Variants in GLB1 observed in about 807,000 individuals in gnomAD.
The protein encoded by GLB1 is beta-galactosidase.
GLB1 carries 56 observed loss-of-function variants against 74.0 expected under a neutral mutation model. The observed-to-expected ratio is 0.76, with a 90% CI of 0.61 to 0.94. GLB1 has a LOEUF of 0.94. Among genes scored for constraint, GLB1 ranks in the 40% least tolerant of loss-of-function variants. The pLI is 0.00. For synonymous variants in GLB1, 323 were observed against 323.6 expected (o/e 1.00, Z 0.02); for missense variants, 787 against 845.5 (o/e 0.93, Z 0.86).
chr3:32,963,584 ATTCTTGGTACTT>A, the GLB1 span, among the ~76,000 whole-genome samples: 1 of 152,236 alleles, frequency 6.6e-6, no homozygotes, highest in African/African-American at 2.4e-5. Flanking sequence ...TTGTTACATT[ATTCTTGGTACTT>A]TTCTATATGG....
intron 10 of GLB1, among the ~76,000 whole-genome samples, chr3:33,031,641 ATATATATATATATATATAT>A (rs1409399492): frequency 5.3e-5 from 1 of 18,948 alleles, no homozygotes; most frequent in African/African-American, 1.8e-4. Context: ...AAAAAAAAAA[ATATATATATATATATATAT>A]ATATATATAT....
At chr3:33,014,415 A>T (rs1697159100) in intron 14 of GLB1, 105 bp from the exon 15 acceptor site, 1 of 1,524,256 alleles carries the variant, frequency 6.6e-7, no homozygotes. Flanking sequence ...GATACAAAAC[A>T]CCAACAGGAA....
At position 33,016,750 on chromosome 3, in the gene GLB1, T is replaced by C. The variant is rs1280400930; in HGVS notation, c.1438A>G (p.Met480Val). ...GATLDLLVEN[M>V]GRVNYGAYIN... ...TATGCACCATAGTTCACACGTCCCA[T>C]GTTCTCTACCAGAAGGTCCAGAGTG... is the stretch of plus-strand genomic sequence containing the variant. Residue 480 changes from methionine to valine, a missense_variant, in exon 14 of 16, where the codon ATG becomes GTG. Transcript: ENST00000307363. 8 of 1,614,046 alleles carry C rather than the reference T, an allele frequency of 5.0e-6. No individual in the cohort carries two copies. Among genetic ancestry groups the C allele is most frequent in the South Asian group, 1.1e-5 (1 of 91,088 alleles).
chr3:32,987,973 T>G, the GLB1 span, among the ~76,000 whole-genome samples: 1 of 151,340 alleles, frequency 6.6e-6, no homozygotes, highest in African/African-American at 2.4e-5. Flanking sequence ...TCATTTGAGG[T>G]CAGGAGTTTG....
the GLB1 span, among the ~76,000 whole-genome samples, chr3:32,976,699 G>T: frequency 6.6e-6 from 1 of 152,128 alleles, no homozygotes; most frequent in Non-Finnish European, 1.5e-5. Flanking sequence ...GCTTCTTAGG[G>T]CCCCTTCCTC....
At chr3:33,075,715 G>C (rs568899635) in intron 1 of GLB1, among the ~76,000 whole-genome samples, 1 of 152,252 alleles carries the variant, frequency 6.6e-6, no homozygotes, top group African/African-American at 2.4e-5. Context: ...TTTCTCAAAG[G>C]AAGAAACACC....
chr3:33,047,255 CT>C (rs1698776498), intron 9 of GLB1, among the ~76,000 whole-genome samples: 1 of 152,220 alleles, frequency 6.6e-6, no homozygotes, highest in Non-Finnish European at 1.5e-5. Context: ...CCTGCAGTCA[CT>C]GTGCAAGGGG....
chr3:33,079,397 T>C (rs775867640), intron 1 of GLB1, among the ~76,000 whole-genome samples: 2 of 152,250 alleles, frequency 1.3e-5, no homozygotes, highest in East Asian at 3.8e-4. Context: ...TAGTTAATGA[T>C]ATGCCTACTG....
At chr3:33,003,147 C>A (rs1696646896) in intron 15 of GLB1, among the ~76,000 whole-genome samples, 1 of 152,198 alleles carries the variant, frequency 6.6e-6, no homozygotes, top group East Asian at 1.9e-4. Context: ...TTTATGGTTT[C>A]TCTATATTTT....
intron 5 of GLB1, among the ~76,000 whole-genome samples, chr3:33,058,606 T>G (rs541559501): frequency 1.6e-4 from 24 of 152,216 alleles, no homozygotes; most frequent in African/African-American, 5.5e-4. Context: ...ATGGTAGAAA[T>G]GCTAGAAAAA....
downstream of GLB1, among the ~76,000 whole-genome samples, chr3:32,992,132 T>C (rs1696238309): frequency 6.6e-6 from 1 of 152,118 alleles, no homozygotes; most frequent in Non-Finnish European, 1.5e-5. Context: ...GGATGTCGAG[T>C]CTTTTCCGTA....
At chr3:32,986,244 C>T in the GLB1 span, among the ~76,000 whole-genome samples, 1 of 152,150 alleles carries the variant, frequency 6.6e-6, no homozygotes, top group Non-Finnish European at 1.5e-5. Context: ...TCCAAATTTC[C>T]TTTATGGATT....
At chr3:32,984,725 CATCCTGGCTAACACAGTGAA>C in the GLB1 span, among the ~76,000 whole-genome samples, 1 of 151,598 alleles carries the variant, frequency 6.6e-6, no homozygotes, top group Non-Finnish European at 1.5e-5. Context: ...AGTTTGAGAC[CATCCTGGCTAACACAGTGAA>C]ATCCTGGCTA....
intron 11 of GLB1, among the ~76,000 whole-genome samples, chr3:33,022,564 A>ATTTTTTTTTTTTTTTC (rs1697540952): frequency 1.6e-5 from 1 of 63,746 alleles, no homozygotes; most frequent in Non-Finnish European, 2.9e-5. Context: ...ACTGGTTAGG[A>ATTTTTTTTTTTTTTTC]TTTTTTTTTT....
rs749020375 is a variant in GLB1 at position 33,051,799 on chromosome 3, C to A, written c.915-1G>T. 1 of 1,614,084 alleles carries A rather than the reference C, an allele frequency of 6.2e-7. No individual in the cohort carries two copies. The highest frequency in any genetic ancestry group is 8.5e-7 in the Non-Finnish European group (1 of 1,180,018). On this transcript the variant is annotated splice_acceptor_variant, in intron 8 of 15. Transcript: ENST00000307363. LOFTEE classifies it high-confidence loss of function. ...ATTGGTCCCACCTATAAACATGTAC[C>A]TACAAGGAAACAAAAGAACACGGTA...
At chr3:33,058,328 C>A in intron 5 of GLB1, 59 bp from the exon 6 acceptor site, 2 of 1,606,034 alleles carry the variant, frequency 1.2e-6, no homozygotes, top group Non-Finnish European at 1.7e-6. Flanking sequence ...CACCCTAATG[C>A]AAGCTTTTGT....
At chr3:33,079,204 G>A (rs1402453342) in intron 1 of GLB1, among the ~76,000 whole-genome samples, 1 of 152,182 alleles carries the variant, frequency 6.6e-6, no homozygotes, top group Non-Finnish European at 1.5e-5. Flanking sequence ...TGCCTGGGAA[G>A]GGACGTGAGG....
chr3:33,064,441 T>TGAAAAAA (rs556331999), intron 5 of GLB1, among the ~76,000 whole-genome samples: 1 of 108,760 alleles, frequency 9.2e-6, no homozygotes, highest in African/African-American at 3.8e-5. Flanking sequence ...CTCTGTCTCC[T>TGAAAAAA]AAAAAAAAAA....
intron 9 of GLB1, among the ~76,000 whole-genome samples, chr3:33,046,697 A>G (rs902070388): frequency 4.8e-4 from 73 of 152,186 alleles, no homozygotes; most frequent in African/African-American, 1.7e-3. Flanking sequence ...TAGGCCATGG[A>G]TCAGCAGAAA....
Sources: allele counts gnomAD v4.1 joint callset (sites outside exome capture counted in the v4.1 genomes callset), GRCh38; gene constraint gnomAD v4.1.1; transcripts MANE v1.5; gene names NCBI Gene and HGNC (gene_info 2026-07-23, HGNC 2026-07-21).